Variants in CPT1A observed in about 807,000 individuals in gnomAD.
CPT1A encodes carnitine palmitoyltransferase 1A, also known as carnitine O-palmitoyltransferase 1, liver isoform.
Under a neutral mutation model 100.8 loss-of-function variants are expected in CPT1A, and 64 were observed. The ratio of observed to expected loss-of-function variants is 0.63; its 90% CI spans 0.52 to 0.78. The LOEUF (loss-of-function observed/expected upper bound fraction) is 0.78, where lower values mean the gene tolerates loss of function less well. Ranked by LOEUF, CPT1A falls within the 30% of genes least tolerant of loss-of-function variation. The pLI, the probability that CPT1A is intolerant of heterozygous loss-of-function variation, is 0.00. For synonymous variants in CPT1A, 363 were observed against 396.0 expected (o/e 0.92, Z 0.99); for missense variants, 802 against 1,034.1 (o/e 0.78, Z 3.08).
intron 16 of CPT1A, among the ~76,000 whole-genome samples, chr11:68,760,716 A>AATAGTGGCTGTAT (rs1946790476): frequency 6.6e-6 from 1 of 152,246 alleles, no homozygotes; most frequent in Non-Finnish European, 1.5e-5. Flanking sequence ...TACAGCCACT[A>AATAGTGGCTGTAT]TTAAAAATTA....
intron 1 of CPT1A, among the ~76,000 whole-genome samples, chr11:68,833,310 G>A (rs902985551): frequency 2.6e-5 from 4 of 152,228 alleles, no homozygotes; most frequent in Non-Finnish European, 5.9e-5. Flanking sequence ...TAATGGGAAG[G>A]AAGAAAAGCA....
intron 6 of CPT1A, among the ~76,000 whole-genome samples, chr11:68,797,459 C>A (rs1193336953): frequency 6.6e-6 from 1 of 152,008 alleles, no homozygotes; most frequent in Non-Finnish European, 1.5e-5. Flanking sequence ...TCGCTTGATG[C>A]CAGGAGTTTG....
chr11:68,798,727 A>T (rs1027434539), intron 6 of CPT1A, among the ~76,000 whole-genome samples: 3 of 152,188 alleles, frequency 2.0e-5, no homozygotes, highest in African/African-American at 7.2e-5. Flanking sequence ...AAAGAGGAGG[A>T]TGGGAGCAGG....
Position 68,793,663 on chromosome 11 carries a change from A to G in CPT1A, c.880-261T>C, listed in dbSNP as rs11228357. ...TGGGAGGTTGAGGCAGGAGAATGGC[A>G]TGAACCCGGGAGGCAGAGCCTGCAG... On this transcript the variant is annotated intron_variant, in intron 8 of 18. Transcript: ENST00000265641. Among the ~76,000 whole-genome samples, 19,381 of 151,280 alleles carry G rather than the reference A, an allele frequency of 0.13. 1,367 individuals are homozygous for G. Among genetic ancestry groups the G allele is most frequent in the African/African-American group, 0.19 (7,706 of 41,156 alleles).
chr11:68,771,010 C>T (rs537545845), intron 14 of CPT1A, among the ~76,000 whole-genome samples: 77 of 152,314 alleles, frequency 5.1e-4, no homozygotes, highest in African/African-American at 1.5e-3. Flanking sequence ...AAGTTTCGCT[C>T]GCTCCTGCCA....
intron 2 of CPT1A, among the ~76,000 whole-genome samples, chr11:68,814,210 CACTT>C (rs35593953): frequency 0.12 from 17,478 of 148,490 alleles, 2,408 homozygotes; most frequent in African/African-American, 0.36. Flanking sequence ...AAAAACAAGA[CACTT>C]ACTTAAAAAA....
At chr11:68,803,926 T>C (rs1232536619) in intron 5 of CPT1A, 74 bp downstream of exon 5, 1 of 1,192,018 alleles carries the variant, frequency 8.4e-7, no homozygotes, top group Non-Finnish European at 1.3e-6. Flanking sequence ...GGTGACCTAG[T>C]TCATCATAAT....
intron 9 of CPT1A, among the ~76,000 whole-genome samples, chr11:68,790,420 C>T (rs1855581938): frequency 6.6e-6 from 1 of 152,114 alleles, no homozygotes; most frequent in East Asian, 1.9e-4. Context: ...TGAGGTCATA[C>T]TGGACTAGGG....
chr11:68,799,346 A>G lies in CPT1A; in HGVS notation c.565T>C (p.Ser189Pro). 1 of 1,613,884 alleles carries G rather than the reference A, an allele frequency of 6.2e-7. No homozygotes were observed. The highest frequency in any genetic ancestry group is 8.5e-7 in the Non-Finnish European group (1 of 1,179,838). ...TCTTCCTTCATAAGAGGCCTCACCG[A>G]CTGTAGATACTGGGATTATTGGGGG... ...VKDTVNRYLQ[S>P]VRPLMKEEDF... The change falls in exon 6 of 19, where the codon TCG becomes CCG. Residue 189 changes from serine to proline, a missense_variant. Around this residue, in one of 4 missense-constraint regions of CPT1A, gnomAD observed 627 missense variants for 799.3 expected, o/e 0.78. Transcript: ENST00000265641.
intron 3 of CPT1A, among the ~76,000 whole-genome samples, chr11:68,811,854 A>G (rs1856219951): frequency 6.6e-6 from 1 of 152,012 alleles, no homozygotes; most frequent in Admixed American, 6.5e-5. Context: ...TAAAATGAAC[A>G]TGTGCTGAAT....
Position 68,784,989 on chromosome 11 carries a change from T to C in CPT1A, c.989A>G (p.Asp330Gly), listed in dbSNP as rs1464311710. The C allele has an allele frequency of 6.2e-7, 1 of 1,613,882 alleles. No homozygotes were observed. The highest frequency in any genetic ancestry group is 1.1e-5 in the South Asian group (1 of 91,074). The change falls in exon 10 of 19, where the codon GAC becomes GGC. Residue 330 changes from aspartate to glycine, a missense_variant. Coordinates refer to ENST00000265641, the MANE Select transcript of CPT1A (RefSeq NM_001876.4). ...EETDTIQHMR[D>G]SKHIVVYHRG... is the part of the protein sequence containing the mutation. ...ATGGTACACGACGATGTGCTTGCTG[T>C]CTCTCATGTGCTGGATGGTGTCTGA...
intron 1 of CPT1A, among the ~76,000 whole-genome samples, chr11:68,831,121 G>A (rs1856864907): frequency 6.6e-6 from 1 of 152,184 alleles, no homozygotes; most frequent in Non-Finnish European, 1.5e-5. Context: ...TTTTGAAAGT[G>A]TTCACTTTGT....
intron 1 of CPT1A, among the ~76,000 whole-genome samples, chr11:68,832,541 T>G (rs968088878): frequency 2.6e-5 from 4 of 152,252 alleles, no homozygotes; most frequent in Non-Finnish European, 5.9e-5. Flanking sequence ...TGGTAGGTAC[T>G]ACACAAAAAG....
chr11:68,799,316 A>G lies in CPT1A; in HGVS notation c.595T>C (p.Phe199Leu). ...SVRPLMKEEDFKRMTALAQDF... is the reference protein window; with the variant it reads ...SVRPLMKEEDLKRMTALAQDF... Reference sequence around the variant, plus strand: ...TGAGCAAGTGCTGTCATCCGTTTGAAGTCTTCTTCCTTCATAAGAGGCCTC... The same window carrying G: ...TGAGCAAGTGCTGTCATCCGTTTGAGGTCTTCTTCCTTCATAAGAGGCCTC... The change falls in exon 6 of 19, where the codon TTC becomes CTC. Residue 199 changes from phenylalanine (F) to leucine (L), a missense_variant. Phe to Leu is a conservative substitution (Grantham distance 22). Transcript: ENST00000265641. 1 of 1,614,084 alleles carries G rather than the reference A, an allele frequency of 6.2e-7. No individual in the cohort carries two copies. Among genetic ancestry groups the G allele is most frequent in the Non-Finnish European group, 8.5e-7 (1 of 1,179,948 alleles).
intron 1 of CPT1A, 109 bp from the exon 2 acceptor site, chr11:68,815,596 T>A: frequency 1.9e-6 from 2 of 1,067,504 alleles, no homozygotes; most frequent in Non-Finnish European, 2.8e-6. Flanking sequence ...CCTCGCCACT[T>A]AACAGATTTA....
At chr11:68,786,539 G>GT (rs1402753486) in intron 9 of CPT1A, among the ~76,000 whole-genome samples, 4 of 151,982 alleles carry the variant, frequency 2.6e-5, no homozygotes, top group East Asian at 1.9e-4. Context: ...CCGATCTCAT[G>GT]TTTTTTTTGA....
intron 16 of CPT1A, among the ~76,000 whole-genome samples, chr11:68,761,128 G>C (rs1288361790): frequency 6.6e-6 from 1 of 151,580 alleles, no homozygotes; most frequent in Non-Finnish European, 1.5e-5. Context: ...AGAATTGCTT[G>C]TGTCTAGGAG....
chr11:68,832,558 T>C (rs183804171), intron 1 of CPT1A, among the ~76,000 whole-genome samples: 27 of 152,386 alleles, frequency 1.8e-4, no homozygotes, highest in African/African-American at 5.8e-4. Context: ...AAAGTTCTAC[T>C]TAGGATTCCT....
chr11:68,808,201 A>G (rs1856101872), intron 3 of CPT1A, among the ~76,000 whole-genome samples: 1 of 152,226 alleles, frequency 6.6e-6, no homozygotes, highest in Admixed American at 6.5e-5. Flanking sequence ...TCCAGTATTT[A>G]TATCAAAAGA....
Sources: gnomAD v4.1 joint callset for allele counts (sites outside exome capture counted in the v4.1 genomes callset) on GRCh38, gnomAD v4.1.1 for gene constraint, gnomAD v4.1.1 regional missense constraint, MANE v1.5 for transcripts, NCBI Gene and HGNC (gene_info 2026-07-23, HGNC 2026-07-21) for gene names.